CADPS2: variants seen among roughly 807,000 people sequenced by gnomAD.
The protein encoded by CADPS2 is calcium-dependent secretion activator 2.
CADPS2 carries 93 observed loss-of-function variants against 172.5 expected under a neutral mutation model. The observed-to-expected ratio is 0.54, with a 90% confidence interval of 0.46 to 0.64. The LOEUF (loss-of-function observed/expected upper bound fraction) is 0.64, where lower values mean the gene tolerates loss of function less well. CADPS2 is among the 30% of genes least tolerant of loss of function. CADPS2 has a pLI of 0.00. For synonymous variants in CADPS2, 546 were observed against 555.2 expected (o/e 0.98, Z 0.23); for missense variants, 1,420 against 1,565.9 (o/e 0.91, Z 1.57).
At chr7:122,502,647 T>A (rs2059299421) in intron 9 of CADPS2, among the ~76,000 whole-genome samples, 1 of 152,128 alleles carries the variant, frequency 6.6e-6, no homozygotes, top group Admixed American at 6.5e-5. Flanking sequence ...CTTAATTATA[T>A]TTCTATAACC....
chr7:122,337,266 T>C (rs1001191917), intron 28 of CADPS2, among the ~76,000 whole-genome samples: 10 of 152,226 alleles, frequency 6.6e-5, no homozygotes, highest in South Asian at 4.1e-4. Flanking sequence ...ATGAGGTGCC[T>C]GTTTAAGCCT....
rs140632347 is a variant in CADPS2 at position 122,743,449 on chromosome 7, A to G, written c.340-6381T>C. ...CCAGGAACCTAGCAACCATGGCTGC[A>G]TGGAGCCTGCCCTGACCTGCAGAAC... On this transcript the variant is annotated intron_variant, in intron 1 of 29. Transcript: ENST00000449022. Among the ~76,000 whole-genome samples, 320 of 152,268 alleles carry G rather than the reference A, an allele frequency of 2.1e-3. 1 individual carries two copies. The highest frequency in any genetic ancestry group is 7.0e-3 in the African/African-American group (293 of 41,568).
At chr7:122,638,099 C>CTAG (rs948736029) in intron 3 of CADPS2, among the ~76,000 whole-genome samples, 20 of 152,288 alleles carry the variant, frequency 1.3e-4, no homozygotes, top group African/African-American at 4.6e-4. Context: ...ACCAGGTTTG[C>CTAG]TCCTAGGCCT....
chr7:122,732,504 T>A (rs2091746360), intron 2 of CADPS2, among the ~76,000 whole-genome samples: 1 of 150,318 alleles, frequency 6.7e-6, no homozygotes, highest in African/African-American at 2.4e-5. Flanking sequence ...TACAAAGATA[T>A]CTTTTCAATT....
intron 12 of CADPS2, among the ~76,000 whole-genome samples, chr7:122,475,237 C>T (rs549817914): frequency 1.3e-5 from 2 of 152,256 alleles, no homozygotes; most frequent in South Asian, 4.1e-4. Context: ...TCAAAGTCTT[C>T]AATGTGAGTT....
chr7:122,590,238 G>T (rs2070557434), intron 6 of CADPS2, among the ~76,000 whole-genome samples: 1 of 151,768 alleles, frequency 6.6e-6, no homozygotes, highest in East Asian at 1.9e-4. Context: ...AAAAATAATG[G>T]CAATCAAAAT....
intron 1 of CADPS2, among the ~76,000 whole-genome samples, chr7:122,795,247 TAAAC>T (rs1390506637): frequency 1.3e-5 from 2 of 151,662 alleles, no homozygotes; most frequent in African/African-American, 2.4e-5. Flanking sequence ...AAGATTCAAA[TAAAC>T]AAAATCAGAA....
chr7:122,349,907 G>A (rs1563122314), intron 27 of CADPS2, among the ~76,000 whole-genome samples: 2 of 152,012 alleles, frequency 1.3e-5, no homozygotes, highest in Non-Finnish European at 2.9e-5. Context: ...TTTAGACACA[G>A]AAGAAGCTGC....
At chr7:122,683,743 AAG>A (rs2083321099) in intron 2 of CADPS2, among the ~76,000 whole-genome samples, 1 of 79,862 alleles carries the variant, frequency 1.3e-5, no homozygotes, top group Non-Finnish European at 3.2e-5. Context: ...AATGTTAATG[AAG>A]AAAAAAAAAA....
chr7:122,376,142 G>T (rs918008135), intron 25 of CADPS2, among the ~76,000 whole-genome samples: 1 of 152,108 alleles, frequency 6.6e-6, no homozygotes, highest in African/African-American at 2.4e-5. Flanking sequence ...GTAAATTGGT[G>T]TAGCCACTAT....
intron 2 of CADPS2, among the ~76,000 whole-genome samples, chr7:122,723,585 G>A (rs2090734081): frequency 6.6e-6 from 1 of 152,274 alleles, no homozygotes; most frequent in Middle Eastern, 3.4e-3. Flanking sequence ...TGGTGGGATG[G>A]GAAACTAGTT....
intron 20 of CADPS2, among the ~76,000 whole-genome samples, chr7:122,402,437 T>G (rs533182476): frequency 3.2e-4 from 49 of 152,242 alleles, no homozygotes; most frequent in African/African-American, 1.1e-3. Context: ...AGGCATTAGG[T>G]TTCCACAGCT....
intron 27 of CADPS2, among the ~76,000 whole-genome samples, chr7:122,352,520 A>G (rs2038823492): frequency 6.6e-6 from 1 of 152,196 alleles, no homozygotes; most frequent in South Asian, 2.1e-4. Context: ...GACAAAACAC[A>G]AAGGAATAAA....
intron 2 of CADPS2, among the ~76,000 whole-genome samples, chr7:122,713,591 A>G (rs2089121913): frequency 6.6e-6 from 1 of 152,008 alleles, no homozygotes. Flanking sequence ...CAATCTTAAC[A>G]ATTGTAAGGA....
chr7:122,369,127 T>TTA (rs2041382927), intron 25 of CADPS2, among the ~76,000 whole-genome samples: 1 of 49,768 alleles, frequency 2.0e-5, no homozygotes. Context: ...AATTTTTGTT[T>TTA]CCCCCCCCCC....
intron 6 of CADPS2, among the ~76,000 whole-genome samples, chr7:122,591,416 G>A (rs914320275): frequency 3.2e-4 from 49 of 152,184 alleles, no homozygotes; most frequent in African/African-American, 1.1e-3. Flanking sequence ...AATGCCCAAG[G>A]TAATTTATAG....
intron 6 of CADPS2, among the ~76,000 whole-genome samples, chr7:122,608,213 TAAA>T (rs59329850): frequency 7.1e-6 from 1 of 140,678 alleles, no homozygotes; most frequent in Non-Finnish European, 1.6e-5. Context: ...AGACTCCGTC[TAAA>T]AAAAAAAAAA....
chr7:122,872,933 A>G (rs777295568), intron 1 of CADPS2, among the ~76,000 whole-genome samples: 7 of 152,122 alleles, frequency 4.6e-5, no homozygotes, highest in Non-Finnish European at 7.4e-5. Context: ...CTTAAAATAC[A>G]TGTGTCCTGC....
chr7:122,644,087 GGAAGGAAT>G (rs942400415), intron 3 of CADPS2, among the ~76,000 whole-genome samples: 1 of 149,808 alleles, frequency 6.7e-6, no homozygotes, highest in African/African-American at 2.5e-5. Context: ...AAGAAAGGAA[GGAAGGAAT>G]GAAGGAAGGA....
Sources: gnomAD v4.1 joint callset for allele counts (sites outside exome capture counted in the v4.1 genomes callset) on GRCh38, gnomAD v4.1.1 for gene constraint, MANE v1.5 for transcripts, NCBI Gene and HGNC (gene_info 2026-07-23, HGNC 2026-07-21) for gene names.